The following PCNX2 variants were observed in gnomAD, a reference collection of about 807,000 sequenced individuals.
The protein encoded by PCNX2 is pecanex 2.
PCNX2 carries 168 observed loss-of-function variants against 223.8 expected under a neutral mutation model. That is an observed-to-expected ratio of 0.75 (90% confidence interval 0.66 to 0.85). The LOEUF is 0.85. Among genes scored for constraint, PCNX2 ranks in the 40% least tolerant of loss-of-function variants. The pLI is 0.00. For synonymous variants in PCNX2, 1,006 were observed against 1,052.6 expected (o/e 0.96, Z 0.86); for missense variants, 2,507 against 2,675.5 (o/e 0.94, Z 1.39).
rs1243515613 is a variant in PCNX2, at chr1:233,252,773, T to C, written c.1850A>G (p.Glu617Gly). Residue 617 changes from glutamate to glycine, a missense_variant, in exon 6 of 34, where the codon GAA becomes GGA. Physicochemically the swap from Glu to Gly is moderately conservative, Grantham distance 98. Transcript: ENST00000258229. ...ATTTTCCAGGATTTCCTCCTTTTTTTCCTGGGAACAGTTATCTGAAAAACA... is the reference window on the plus strand; with the variant it reads ...ATTTTCCAGGATTTCCTCCTTTTTTCCCTGGGAACAGTTATCTGAAAAACA... ...SGLLRDNCSQ[E>G]KKEEILENEK... 5 of 1,610,814 alleles carry C rather than the reference T, an allele frequency of 3.1e-6. No homozygotes were observed. Among genetic ancestry groups the C allele is most frequent in the African/African-American group, 1.3e-5 (1 of 74,890 alleles).
chr1:233,220,244 T>C (rs549483379), intron 10 of PCNX2, among the ~76,000 whole-genome samples: 147 of 152,352 alleles, frequency 9.6e-4, no homozygotes, highest in African/African-American at 3.4e-3. Flanking sequence ...GTTACAAACA[T>C]TCATGTGCAG....
chr1:233,000,511 A>C lies in PCNX2; in HGVS notation c.5122T>G (p.Tyr1708Asp), dbSNP rs1361170525. The C allele has an allele frequency of 6.2e-7, 1 of 1,601,436 alleles. No homozygotes were observed. The highest frequency in any genetic ancestry group is 8.5e-7 in the Non-Finnish European group (1 of 1,176,584). Residue 1708 changes from tyrosine to aspartate, a missense_variant, in exon 30 of 34, where the codon TAT becomes GAT. This residue lies in a region of PCNX2 where 1,372 missense variants were observed against 1,509.4 expected (regional missense o/e 0.91). Coordinates refer to ENST00000258229, the MANE Select transcript of PCNX2 (RefSeq NM_014801.4). This position sits in a 1 kb window ranked among gnomAD's most constrained non-coding sequence, Gnocchi z 4.6. ...HQDQFTCPDEYEDPAVLYEAI... is the reference protein window; with the variant it reads ...HQDQFTCPDEDEDPAVLYEAI... ...TCGTAGAGGACTGCTGGGTCTTCAT[A>C]CTCGTCAGGGCAAGTGAACTGGTCC...
At chr1:233,203,303 C>T (rs1681241324) in intron 13 of PCNX2, among the ~76,000 whole-genome samples, 1 of 152,224 alleles carries the variant, frequency 6.6e-6, no homozygotes, top group African/African-American at 2.4e-5. Flanking sequence ...CAAAGCCAGT[C>T]TCACTCAGAG....
At chr1:233,235,934 G>A (rs1207828124) in intron 9 of PCNX2, among the ~76,000 whole-genome samples, 1 of 104,298 alleles carries the variant, frequency 9.6e-6, no homozygotes, top group African/African-American at 3.6e-5. Context: ...TTGGAAAAAT[G>A]TGGCAAAGCA....
intron 23 of PCNX2, among the ~76,000 whole-genome samples, chr1:233,064,751 A>G (rs1044038388): frequency 3.9e-5 from 6 of 151,996 alleles, no homozygotes; most frequent in African/African-American, 1.2e-4. Context: ...TTTACCATCT[A>G]TCATTTTTTG....
At chr1:233,254,479 A>G (rs3806212) in intron 5 of PCNX2, among the ~76,000 whole-genome samples, 4,284 of 152,330 alleles carry the variant, frequency 0.028, 108 homozygotes, top group African/African-American at 0.072. Flanking sequence ...TTAAATGGGT[A>G]CATTACATAA....
At chr1:233,311,999 C>T in the PCNX2 span, among the ~76,000 whole-genome samples, 24 of 151,984 alleles carry the variant, frequency 1.6e-4, no homozygotes, top group East Asian at 3.7e-3. Context: ...TGGTGGCAGG[C>T]GCCTATAGTC....
chr1:233,201,497 T>C (rs1441384697), intron 13 of PCNX2: 2 of 152,214 alleles, frequency 1.3e-5, no homozygotes, highest in African/African-American at 4.8e-5. Flanking sequence ...GTCATGAGCA[T>C]AGAAATTTTA....
At chr1:233,169,665 A>G (rs1679033603) in intron 17 of PCNX2, among the ~76,000 whole-genome samples, 1 of 151,536 alleles carries the variant, frequency 6.6e-6, no homozygotes, top group Admixed American at 6.6e-5. Flanking sequence ...AAAAAATGTG[A>G]CACAGGTAAC....
chr1:233,218,846 T>C (rs751752855), intron 10 of PCNX2, among the ~76,000 whole-genome samples: 1 of 152,094 alleles, frequency 6.6e-6, no homozygotes, highest in Non-Finnish European at 1.5e-5. Flanking sequence ...GCTTCACTGG[T>C]TCCTTTCAAT....
At chr1:233,204,174 A>G (rs756696207) in intron 13 of PCNX2, among the ~76,000 whole-genome samples, 55 of 152,104 alleles carry the variant, frequency 3.6e-4, no homozygotes, top group Non-Finnish European at 1.2e-4. Flanking sequence ...TGGTGTCCTT[A>G]TGAAAAGGAG....
rs1673805117 is a variant in PCNX2 at position 233,090,266 on chromosome 1, A to G, written c.3947-76T>C. ...TAAAACATTATTTCAAATTTTGATG[A>G]GTTTTCACTAAAGTCATTTTTTCCA... On this transcript the variant is annotated intron_variant, in intron 22 of 33. Transcript: ENST00000258229. 18 of 1,507,764 alleles carry G rather than the reference A, an allele frequency of 1.2e-5. No individual in the cohort carries two copies. In the South Asian group the frequency reaches 2.0e-4, roughly 17 times the overall value. The allele number at this position is 1,507,764 out of a possible 1,614,324, so 93.4% of individuals were successfully genotyped here.
intron 32 of PCNX2, among the ~76,000 whole-genome samples, chr1:232,992,286 C>T (rs1669729280): frequency 1.3e-5 from 2 of 152,228 alleles, no homozygotes; most frequent in Admixed American, 1.3e-4. Flanking sequence ...CTGTCCCTCC[C>T]TGACCACAGT....
chr1:233,156,637 G>A (rs921160808), intron 19 of PCNX2, among the ~76,000 whole-genome samples: 3 of 152,192 alleles, frequency 2.0e-5, no homozygotes, highest in Non-Finnish European at 4.4e-5. Flanking sequence ...ACAGACGTGG[G>A]CTGGGCACGG....
chr1:233,048,889 T>C (rs981194101), intron 25 of PCNX2, among the ~76,000 whole-genome samples: 1 of 152,150 alleles, frequency 6.6e-6, no homozygotes, highest in Non-Finnish European at 1.5e-5. Context: ...TCTCTATGCA[T>C]ACAAACTAGA....
chr1:233,160,284 T>C lies in PCNX2; in HGVS notation c.3516A>G (p.Arg1172=). ...KNKEYHQREV[R]DVAHLMWFER... is the part of the protein sequence containing the mutation. ...TTAAATGAGGGATATATTACTAACC[T>C]CTCACTTCCCGTTGATGATACTCTT... Residue 1172 remains arginine, a splice_region_variant and synonymous_variant, in exon 19 of 34, where the codon AGA becomes AGG. Transcript: ENST00000258229. The C allele has an allele frequency of 6.2e-7, 1 of 1,608,652 alleles. No homozygotes were observed. The highest frequency in any genetic ancestry group is 8.5e-7 in the Non-Finnish European group (1 of 1,176,470).
chr1:233,037,758 T>A (rs1259207056), intron 25 of PCNX2, among the ~76,000 whole-genome samples: 1 of 152,218 alleles, frequency 6.6e-6, no homozygotes, highest in Admixed American at 6.5e-5. Context: ...AGATTTTATA[T>A]TGCAACAGTT....
At chr1:233,096,174 T>A (rs1463327793) in intron 21 of PCNX2, among the ~76,000 whole-genome samples, 1 of 152,218 alleles carries the variant, frequency 6.6e-6, no homozygotes, top group Non-Finnish European at 1.5e-5. Context: ...CTCCTTCATA[T>A]TGGATCTTTT....
intron 28 of PCNX2, among the ~76,000 whole-genome samples, chr1:233,005,923 C>G (rs1371096885): frequency 6.6e-6 from 1 of 152,192 alleles, no homozygotes; most frequent in Non-Finnish European, 1.5e-5. Context: ...AAACAGCCCC[C>G]ACTCGCACGC....
Sources: gnomAD v4.1 joint callset for allele counts (sites outside exome capture counted in the v4.1 genomes callset) on GRCh38, gnomAD v4.1.1 for gene constraint, gnomAD v4.1.1 regional missense constraint, Gnocchi (gnomAD v3.1) non-coding constraint, MANE v1.5 for transcripts, NCBI Gene and HGNC (gene_info 2026-07-23, HGNC 2026-07-21) for gene names.